ZMYM2: variants seen among roughly 807,000 people sequenced by gnomAD.
ZMYM2 encodes zinc finger MYM-type protein 2.
In ZMYM2, 56 loss-of-function variants were observed where a neutral mutation model predicts 162.8. That is an observed-to-expected ratio of 0.34 (90% CI 0.28 to 0.43). The LOEUF is 0.43. Among genes scored for constraint, ZMYM2 ranks in the 20% least tolerant of loss-of-function variants. ZMYM2 has a pLI of 1.00. For synonymous variants in ZMYM2, 510 were observed against 541.6 expected (o/e 0.94, Z 0.81); for missense variants, 1,275 against 1,621.8 (o/e 0.79, Z 3.67).
chr13:19,931,101 A>T, the ZMYM2 span, among the ~76,000 whole-genome samples: 307 of 149,946 alleles, frequency 2.0e-3, 1 homozygote, highest in South Asian at 1.7e-3. Flanking sequence ...ATGGCGCCAC[A>T]GCACTCCGGC....
intron 2 of ZMYM2, among the ~76,000 whole-genome samples, chr13:19,965,978 C>G (rs539925675): frequency 6.6e-6 from 1 of 151,926 alleles, no homozygotes; most frequent in Admixed American, 6.6e-5. Flanking sequence ...CAGGGTTTCA[C>G]CGTGTTGGCC....
At chr13:20,076,905 C>T (rs554331361) in intron 21 of ZMYM2, among the ~76,000 whole-genome samples, 1 of 150,098 alleles carries the variant, frequency 6.7e-6, no homozygotes, top group South Asian at 2.1e-4. Context: ...GGTGCGATCT[C>T]GGCACACCGC....
chr13:19,958,527 T>G (rs1239775269), upstream of ZMYM2: 3 of 145,622 alleles, frequency 2.1e-5, no homozygotes, highest in Admixed American at 6.7e-5. Flanking sequence ...GAGGCGGGAG[T>G]GGAACGGCAG....
At chr13:19,887,772 C>T in the ZMYM2 span, among the ~76,000 whole-genome samples, 3 of 151,744 alleles carry the variant, frequency 2.0e-5, no homozygotes, top group African/African-American at 7.3e-5. Flanking sequence ...ATTAGCTCAT[C>T]GTTTTAAACA....
chr13:19,865,037 A>AT, the ZMYM2 span: 3 of 152,240 alleles, frequency 2.0e-5, no homozygotes, highest in Admixed American at 2.0e-4. Context: ...AGATAATGTG[A>AT]TTTTTAAAAA....
chr13:19,896,208 A>T, the ZMYM2 span, among the ~76,000 whole-genome samples: 1 of 151,642 alleles, frequency 6.6e-6, no homozygotes, highest in East Asian at 2.0e-4. Flanking sequence ...CAGTGGCACG[A>T]TCTTGGCTCA....
chr13:19,951,772 T>G, the ZMYM2 span, among the ~76,000 whole-genome samples: 1 of 152,132 alleles, frequency 6.6e-6, no homozygotes, highest in Admixed American at 6.6e-5. Flanking sequence ...AGGGAACCCT[T>G]GCACACTGTT....
intron 2 of ZMYM2, chr13:19,970,113 A>T: frequency 2.1e-6 from 2 of 965,866 alleles, no homozygotes; most frequent in South Asian, 9.6e-5. Flanking sequence ...CTGTTTAAAC[A>T]TTATGGAAAA....
At chr13:19,954,157 C>T (rs1184062463), upstream of ZMYM2, among the ~76,000 whole-genome samples, 1 of 7,370 alleles carries the variant, frequency 1.4e-4, no homozygotes, top group African/African-American at 1.7e-4. Context: ...TAGACGGAGT[C>T]TCACTCTGTC....
chr13:19,949,376 T>C, the ZMYM2 span, among the ~76,000 whole-genome samples: 5 of 152,184 alleles, frequency 3.3e-5, no homozygotes, highest in Non-Finnish European at 7.3e-5. Context: ...ATCACGCCAC[T>C]GCACTTCAGC....
the ZMYM2 span, among the ~76,000 whole-genome samples, chr13:19,882,910 C>G: frequency 1.7e-4 from 26 of 152,124 alleles, no homozygotes; most frequent in African/African-American, 5.8e-4. Flanking sequence ...GGTTTATGCT[C>G]AAAATAATTG....
the ZMYM2 span, among the ~76,000 whole-genome samples, chr13:19,910,924 G>A: frequency 6.6e-6 from 1 of 152,020 alleles, no homozygotes; most frequent in Non-Finnish European, 1.5e-5. Context: ...GAGTGACATA[G>A]ATAGGATGGT....
chr13:20,034,380 G>T lies in ZMYM2; in HGVS notation c.2095G>T (p.Val699Phe). The change falls in exon 11 of 25, where the codon GTT becomes TTT. Residue 699 changes from valine to phenylalanine, a missense_variant. Physicochemically the swap from Val to Phe is conservative, Grantham distance 50. This residue lies in a region of ZMYM2 where 177 missense variants were observed against 228.0 expected (regional missense o/e 0.78). Coordinates refer to ENST00000610343, the MANE Select transcript of ZMYM2 (RefSeq NM_197968.4). The stretch of plus-strand genomic sequence containing the variant: ...TCATGAAACAGTAAATTTCTCTGGC[G>T]TTAAGAGACCTTTCTGTAGTGAAGG... The part of the protein sequence containing the change: ...TLHETVNFSG[V>F]KRPFCSEGCK... 2 of 1,600,708 alleles carry T rather than the reference G, an allele frequency of 1.2e-6. No individual in the cohort carries two copies. Among genetic ancestry groups the T allele is most frequent in the South Asian group, 1.1e-5 (1 of 87,824 alleles).
chr13:20,077,963 G>A (rs982092259), intron 21 of ZMYM2, among the ~76,000 whole-genome samples: 16 of 151,424 alleles, frequency 1.1e-4, no homozygotes, highest in African/African-American at 2.7e-4. Context: ...GACTACAGGC[G>A]CCCGCCACCA....
intron 9 of ZMYM2, among the ~76,000 whole-genome samples, chr13:20,030,617 C>G (rs1019721451): frequency 3.3e-5 from 5 of 152,184 alleles, no homozygotes; most frequent in Non-Finnish European, 7.4e-5. Flanking sequence ...CCAGGATGGT[C>G]TCGATCTCCT....
At chr13:19,998,118 T>C (rs1224990965) in intron 3 of ZMYM2, among the ~76,000 whole-genome samples, 1 of 152,156 alleles carries the variant, frequency 6.6e-6, no homozygotes, top group African/African-American at 2.4e-5. Flanking sequence ...CTGATTTTAT[T>C]TGTAATAGAG....
the ZMYM2 span, among the ~76,000 whole-genome samples, chr13:19,914,083 C>A: frequency 6.6e-6 from 1 of 152,254 alleles, no homozygotes; most frequent in South Asian, 2.1e-4. Context: ...TAATTATGTA[C>A]CAATTCCTGG....
chr13:20,005,223 G>C lies in ZMYM2; in HGVS notation c.1283G>C (p.Cys428Ser). 6.4e-7 allele frequency: 1 copy of C among 1,563,332 alleles called. No homozygotes were observed. The highest frequency in any genetic ancestry group is 8.6e-7 in the Non-Finnish European group (1 of 1,162,424). The change falls in exon 5 of 25, where the codon TGT becomes TCT. Residue 428 changes from cysteine to serine, a missense_variant. By Grantham distance (112) the Cys-to-Ser change is moderately radical (BLOSUM62 -1). Around this residue, in one of 10 missense-constraint regions of ZMYM2, gnomAD observed 276 missense variants for 311.8 expected, o/e 0.89. Transcript: ENST00000610343. ...GALNKSRCTICGKLTEIRHEV... is the reference protein window; with the variant it reads ...GALNKSRCTISGKLTEIRHEV... ...CTAAATAAATCAAGATGTACAATCT[G>C]TGGTAAACTAACTGAGGTTTGTATT...
chr13:20,075,792 C>T (rs1228020299), intron 21 of ZMYM2, among the ~76,000 whole-genome samples: 1 of 147,714 alleles, frequency 6.8e-6, no homozygotes, highest in South Asian at 2.1e-4. Flanking sequence ...AGCAATTCTT[C>T]TGCCTCAGCC....
Sources: allele counts gnomAD v4.1 joint callset (sites outside exome capture counted in the v4.1 genomes callset), GRCh38; gene constraint gnomAD v4.1.1; regional missense constraint gnomAD v4.1.1; transcripts MANE v1.5; gene names NCBI Gene and HGNC (gene_info 2026-07-23, HGNC 2026-07-21).